Variants in POLR3G observed in about 807,000 individuals in gnomAD.
The protein encoded by POLR3G is RNA polymerase III subunit G, also known as DNA-directed RNA polymerase III subunit RPC7.
Under a neutral mutation model 30.1 loss-of-function variants are expected in POLR3G, and 28 were observed. The ratio of observed to expected loss-of-function variants is 0.93; its 90% confidence interval spans 0.69 to 1.27. The LOEUF (loss-of-function observed/expected upper bound fraction) is 1.27. Among genes scored for constraint, POLR3G ranks in the 50% most tolerant of loss-of-function variants. The probability of loss-of-function intolerance (pLI) is 0.00; values close to 1 mark genes in which losing one functional copy is unlikely to be tolerated. For synonymous variants in POLR3G, 79 were observed against 82.5 expected (o/e 0.96, Z 0.23); for missense variants, 254 against 264.6 (o/e 0.96, Z 0.28).
chr5:90,476,851 C>G (rs1453516098), intron 1 of POLR3G, among the ~76,000 whole-genome samples: 1 of 152,188 alleles, frequency 6.6e-6, no homozygotes, highest in East Asian at 1.9e-4. Context: ...TTCAGCCACC[C>G]TTTCCACAAT....
chr5:90,512,147 A>T lies in POLR3G; in HGVS notation c.*8A>T, dbSNP rs577227415. The T allele has an allele frequency of 1.9e-6, 3 of 1,558,818 alleles. No individual in the cohort carries two copies. The East Asian group carries it at 6.7e-5, about 35-fold the overall frequency. On this transcript the variant is annotated 3_prime_UTR_variant, in exon 8 of 8. Transcript: ENST00000651687. Reference sequence around the variant, plus strand: ...GATGAGGCAACCTATTAGGCATGAAATTTTTCAAAAAATATTTTTATGATG... The same window carrying T: ...GATGAGGCAACCTATTAGGCATGAATTTTTTCAAAAAATATTTTTATGATG...
At chr5:90,509,910 T>C (rs550532766) in intron 7 of POLR3G, among the ~76,000 whole-genome samples, 4 of 152,310 alleles carry the variant, frequency 2.6e-5, no homozygotes, top group African/African-American at 7.2e-5. Flanking sequence ...GGTATAATCA[T>C]GTTTATATTT....
intron 5 of POLR3G, among the ~76,000 whole-genome samples, chr5:90,500,148 T>A (rs1162299868): frequency 5.9e-5 from 9 of 152,336 alleles, no homozygotes; most frequent in Admixed American, 1.3e-4. Context: ...CATTTTGCTC[T>A]AGTATTTTTT....
Position 90,513,158 on chromosome 5 carries a change from A to C in POLR3G, c.*1019A>C. 1 of 152,496 alleles carries C rather than the reference A, an allele frequency of 6.6e-6. No homozygotes were observed. Among genetic ancestry groups the C allele is most frequent in the East Asian group, 1.9e-4 (1 of 5,196 alleles). 9.4% of individuals were successfully genotyped at this position (152,496 alleles called of 1,614,324 possible). ...TACCTAAAAACCTCAGCCTACAAAG[A>C]CTCTCAGAAATGCCAAAGATTTTCA... On this transcript the variant is annotated 3_prime_UTR_variant, in exon 8 of 8. Transcript: ENST00000651687.
intron 1 of POLR3G, among the ~76,000 whole-genome samples, chr5:90,479,837 G>T (rs1302093670): frequency 6.6e-6 from 1 of 152,130 alleles, no homozygotes; most frequent in African/African-American, 2.4e-5. Flanking sequence ...GAGTAAATAG[G>T]GAGTTTGGAT....
intron 7 of POLR3G, among the ~76,000 whole-genome samples, chr5:90,511,757 G>A (rs967147868): frequency 1.3e-5 from 2 of 152,002 alleles, no homozygotes; most frequent in Non-Finnish European, 2.9e-5. Context: ...CATTTTTTGG[G>A]TAAGTGTTTA....
chr5:90,502,930 A>G (rs1039210562), intron 6 of POLR3G, among the ~76,000 whole-genome samples: 3 of 152,104 alleles, frequency 2.0e-5, no homozygotes, highest in Non-Finnish European at 4.4e-5. Context: ...GCTGCAATGA[A>G]TTCATGTTAA....
chr5:90,482,271 A>T (rs1429052093), intron 1 of POLR3G, among the ~76,000 whole-genome samples: 1 of 152,202 alleles, frequency 6.6e-6, no homozygotes, highest in African/African-American at 2.4e-5. Context: ...ATCAGACCTA[A>T]TTGATCCCAT....
At chr5:90,490,334 A>G (rs968907600) in intron 3 of POLR3G, among the ~76,000 whole-genome samples, 72 of 146,046 alleles carry the variant, frequency 4.9e-4, no homozygotes, top group Admixed American at 3.3e-3. Flanking sequence ...AGAAATTTCC[A>G]AATTGATACA....
chr5:90,477,823 A>T (rs1439667305), intron 1 of POLR3G, among the ~76,000 whole-genome samples: 1 of 152,222 alleles, frequency 6.6e-6, no homozygotes, highest in African/African-American at 2.4e-5. Flanking sequence ...CCAGTGAGGC[A>T]GTGGGTGGAG....
intron 6 of POLR3G, among the ~76,000 whole-genome samples, chr5:90,504,411 A>C (rs1423068772): frequency 6.6e-6 from 1 of 152,044 alleles, no homozygotes; most frequent in Non-Finnish European, 1.5e-5. Context: ...ATTCAAAAAA[A>C]ATTAGCTGGG....
Position 90,514,313 on chromosome 5 carries a change from A to C in POLR3G, c.*2174A>C, listed in dbSNP as rs1269512216. 1 of 152,220 alleles carries C rather than the reference A, an allele frequency of 6.6e-6. No individual in the cohort carries two copies. The highest frequency in any genetic ancestry group is 2.4e-5 in the African/African-American group (1 of 41,458). The allele number at this position is 152,220 out of a possible 1,614,324, so 9.4% of individuals were successfully genotyped here. A position where few individuals can be genotyped will look rare whatever the true frequency, so the allele number is the denominator to read the frequency against. The stretch of plus-strand genomic sequence containing the variant: ...AAAAGTATTTGTTGAAGTGTCTTTA[A>C]AATTGCTATCATGAGCAAAACTGGT... On this transcript the variant is annotated 3_prime_UTR_variant, in exon 8 of 8. Coordinates refer to ENST00000651687, the MANE Select transcript of POLR3G (RefSeq NM_006467.3).
In POLR3G at chr5:90,485,517, AT is replaced by A; in HGVS notation, c.-43-6del. On this transcript the variant is annotated splice_region_variant and splice_polypyrimidine_tract_variant and intron_variant, in intron 1 of 7. Coordinates refer to ENST00000651687, the MANE Select transcript of POLR3G (RefSeq NM_006467.3). ...ATATGTGATCCAGTAAATCGTAATCATTAATAGTGCCTTTCAGAATTTGCCC... is the reference window on the plus strand; with the variant it reads ...ATATGTGATCCAGTAAATCGTAATCATAATAGTGCCTTTCAGAATTTGCCC... 1 of 1,279,056 alleles carries A rather than the reference AT, an allele frequency of 7.8e-7. No homozygotes were observed. Among genetic ancestry groups the A allele is most frequent in the Non-Finnish European group, 1.1e-6 (1 of 894,252 alleles). The allele number at this position is 1,279,056 out of a possible 1,614,324, so 79.2% of individuals were successfully genotyped here. A position where few individuals can be genotyped will look rare whatever the true frequency, so the allele number is the denominator to read the frequency against.
intron 3 of POLR3G, among the ~76,000 whole-genome samples, chr5:90,492,366 G>C (rs1445160746): frequency 6.6e-6 from 1 of 152,092 alleles, no homozygotes; most frequent in Admixed American, 6.6e-5. Context: ...GATCATTTTT[G>C]TTCTATGATA....
intron 3 of POLR3G, among the ~76,000 whole-genome samples, chr5:90,492,969 A>G (rs558178100): frequency 1.1e-3 from 171 of 152,248 alleles, no homozygotes; most frequent in Non-Finnish European, 1.9e-3. Context: ...AGATTCTACT[A>G]GAAATGCATT....
intron 7 of POLR3G, among the ~76,000 whole-genome samples, chr5:90,509,668 C>G (rs963385813): frequency 2.6e-5 from 4 of 152,050 alleles, no homozygotes; most frequent in African/African-American, 9.7e-5. Context: ...TGGACACTTG[C>G]AGGGAGAAAA....
At chr5:90,492,301 A>C (rs1196351628) in intron 3 of POLR3G, among the ~76,000 whole-genome samples, 1 of 152,204 alleles carries the variant, frequency 6.6e-6, no homozygotes, top group Non-Finnish European at 1.5e-5. Flanking sequence ...AAAAGAACTC[A>C]TCATGTAATA....
chr5:90,493,026 G>A (rs1751808082), intron 3 of POLR3G, among the ~76,000 whole-genome samples: 1 of 146,326 alleles, frequency 6.8e-6, no homozygotes, highest in Non-Finnish European at 1.5e-5. Context: ...AAAACCAGAG[G>A]AAATTATAAG....
intron 7 of POLR3G, among the ~76,000 whole-genome samples, chr5:90,509,502 G>A (rs148286857): frequency 1.3e-5 from 2 of 152,322 alleles, no homozygotes; most frequent in African/African-American, 4.8e-5. Flanking sequence ...AGTGAATAAT[G>A]CTGTGATACA....
Sources: allele counts gnomAD v4.1 joint callset (sites outside exome capture counted in the v4.1 genomes callset), GRCh38; gene constraint gnomAD v4.1.1; transcripts MANE v1.5; gene names NCBI Gene and HGNC (gene_info 2026-07-23, HGNC 2026-07-21).